The following SETMAR variants were observed in gnomAD, a reference collection of about 807,000 sequenced individuals.
SETMAR encodes the protein SET and mariner transposase domain methyltransferase, also known as histone-lysine N-methyltransferase SETMAR.
A neutral mutation model predicts 58.4 loss-of-function variants in SETMAR; 44 were observed. That is an observed-to-expected ratio of 0.75 (90% CI 0.59 to 0.97). SETMAR has a LOEUF of 0.97. Ranked by LOEUF, SETMAR falls within the 50% of genes least tolerant of loss-of-function variation. The pLI is 0.00. For missense variants in SETMAR, 903 were observed against 840.2 expected (o/e 1.07, Z -0.92); for synonymous variants, 332 against 307.4 (o/e 1.08, Z -0.84).
intron 2 of SETMAR, chr3:4,314,537 CAA>C (rs1026804171): frequency 6.7e-6 from 1 of 149,134 alleles, no homozygotes; most frequent in Non-Finnish European, 1.5e-5. Flanking sequence ...ATGTTGTAAC[CAA>C]AAGTCAGAAA....
At chr3:4,311,244 C>T (rs1044621156) in intron 1 of SETMAR, among the ~76,000 whole-genome samples, 2 of 152,146 alleles carry the variant, frequency 1.3e-5, no homozygotes, top group African/African-American at 4.8e-5. Flanking sequence ...AACTACATAG[C>T]TCCACCCGAG....
Position 4,316,999 on chromosome 3 carries a change from A to G in SETMAR, c.1808A>G (p.Asn603Ser). Residue 603 changes from asparagine to serine, a missense_variant, in exon 3 of 3, where the codon AAT (asparagine) becomes AGT (serine). Asn to Ser is a conservative substitution (Grantham distance 46, BLOSUM62 1). Transcript: ENST00000358065. ...GCACAACCCACACTTCAAAAGTTGAATGAATTGGGCTATGAAGTTTTGCCT... is the reference window on the plus strand; with the variant it reads ...GCACAACCCACACTTCAAAAGTTGAGTGAATTGGGCTATGAAGTTTTGCCT... ...HVAQPTLQKL[N>S]ELGYEVLPHP... 1 of 1,549,416 alleles carries G rather than the reference A, an allele frequency of 6.5e-7. No individual in the cohort carries two copies. The highest frequency in any genetic ancestry group is 8.7e-7 in the Non-Finnish European group (1 of 1,146,730).
chr3:4,312,838 G>C, intron 1 of SETMAR, 60 bp from the exon 2 acceptor site: 5 of 1,520,212 alleles, frequency 3.3e-6, no homozygotes, highest in Non-Finnish European at 4.4e-6. Flanking sequence ...GAAGCTACTT[G>C]GAATATATAG....
Position 4,313,356 on chromosome 3 carries a change from A to C in SETMAR, c.615A>C (p.Val205=), listed in dbSNP as rs1270830797. 1 of 1,613,986 alleles carries C rather than the reference A, an allele frequency of 6.2e-7. No homozygotes were observed. Among genetic ancestry groups the C allele is most frequent in the South Asian group, 1.1e-5 (1 of 91,076 alleles). ...GGGAACATGTTTATAATGGGCAGGT[A>C]ATGGAAACATTTGTTGACCCTACTT... ...AIREHVYNGQ[V]METFVDPTYI... Residue 205 remains valine, a synonymous_variant, in exon 2 of 3, where the codon GTA becomes GTC. Transcript: ENST00000358065.
At position 4,316,952 on chromosome 3, in the gene SETMAR, C is replaced by T. The variant is rs967729045; in HGVS notation, c.1761C>T (p.His587=). Residue 587 remains histidine, a synonymous_variant, in exon 3 of 3, where the codon CAC becomes CAT. Coordinates refer to ENST00000358065, the MANE Select transcript of SETMAR (RefSeq NM_006515.4). The part of the protein sequence containing the change: ...LVNRKGPILL[H]DNARPHVAQP... The stretch of plus-strand genomic sequence containing the variant: ...ACAGAAAGGGCCCAATTCTTCTCCA[C>T]GACAATGCCCGACCGCATGTTGCAC... 1.4e-5 allele frequency: 22 copies of T among 1,549,256 alleles called. No individual in the cohort carries two copies. Among genetic ancestry groups the T allele is most frequent in the Admixed American group, 5.9e-5 (3 of 50,968 alleles).
At chr3:4,312,097 G>T (rs1698428650) in intron 1 of SETMAR, among the ~76,000 whole-genome samples, 1 of 152,104 alleles carries the variant, frequency 6.6e-6, no homozygotes, top group East Asian at 1.9e-4. Flanking sequence ...TTCTTTACAA[G>T]TGTATATCTT....
rs939715434 is a variant in SETMAR, at chr3:4,316,886, G to C, written c.1695G>C (p.Glu565Asp). 2.6e-6 allele frequency: 4 copies of C among 1,549,370 alleles called. No homozygotes were observed. The highest frequency in any genetic ancestry group is 2.3e-4 in the Middle Eastern group (1 of 4,388). ...AGAAGTATGCTCAGGAAATCGATGAGATGAACCAAAAACTGCAACGCCTGC... is the reference window on the plus strand; with the variant it reads ...AGAAGTATGCTCAGGAAATCGATGACATGAACCAAAAACTGCAACGCCTGC... ...TSEKYAQEIDEMNQKLQRLQL... is the reference protein window; with the variant it reads ...TSEKYAQEIDDMNQKLQRLQL... The change falls in exon 3 of 3, where the codon GAG becomes GAC. Residue 565 changes from glutamate to aspartate, a missense_variant. Physicochemically the swap from Glu to Asp is conservative, Grantham distance 45. Transcript: ENST00000358065.
At chr3:4,307,735 C>T (rs1215257673) in intron 1 of SETMAR, among the ~76,000 whole-genome samples, 1 of 152,134 alleles carries the variant, frequency 6.6e-6, no homozygotes, top group Non-Finnish European at 1.5e-5. Context: ...TGTAACAATG[C>T]AGGAAATTTA....
At chr3:4,311,079 A>G (rs975473576) in intron 1 of SETMAR, among the ~76,000 whole-genome samples, 1 of 152,208 alleles carries the variant, frequency 6.6e-6, no homozygotes, top group Admixed American at 6.5e-5. Context: ...CAACACAAAC[A>G]AAAGCTATTT....
intron 2 of SETMAR, 84 bp downstream of exon 2, chr3:4,313,845 T>A: frequency 6.3e-7 from 1 of 1,581,962 alleles, no homozygotes; most frequent in Admixed American, 1.8e-5. Context: ...CCTAGTTACA[T>A]AAGTTTAACT....
intron 1 of SETMAR, among the ~76,000 whole-genome samples, chr3:4,306,193 G>C (rs150039935): frequency 6.6e-6 from 1 of 152,082 alleles, no homozygotes; most frequent in East Asian, 1.9e-4. Context: ...CCAATCTTGA[G>C]TCATATTTTT....
intron 1 of SETMAR, among the ~76,000 whole-genome samples, chr3:4,304,570 C>T (rs1198122753): frequency 6.6e-6 from 1 of 152,190 alleles, no homozygotes; most frequent in East Asian, 1.9e-4. Flanking sequence ...GCTTAGACAT[C>T]TTAGCTACTT....
chr3:4,303,641 CGCACCCGTTGGTGCGCGGGAATA>C, intron 1 of SETMAR, 115 bp downstream of exon 1: 6 of 1,425,240 alleles, frequency 4.2e-6, no homozygotes, highest in Non-Finnish European at 5.5e-6. Context: ...TCTCTTACAG[CGCACCCGTTGGTGCGCGGGAATA>C]GGTGTGCATG....
Position 4,313,434 on chromosome 3 carries a change from G to A in SETMAR, c.693G>A (p.Leu231=). 1.2e-6 allele frequency: 2 copies of A among 1,613,986 alleles called. No individual in the cohort carries two copies. Among genetic ancestry groups the A allele is most frequent in the Non-Finnish European group, 1.7e-6 (2 of 1,179,994 alleles). The change falls in exon 2 of 3, where the codon TTG becomes TTA. Residue 231 remains leucine, a synonymous_variant. Coordinates refer to ENST00000358065, the MANE Select transcript of SETMAR (RefSeq NM_006515.4). Reference sequence around the variant, plus strand: ...ATCATTCTTGTGAGCCAAACCTTTTGATGATTCCTGTCCGAATTGACTCAA... The same window carrying A: ...ATCATTCTTGTGAGCCAAACCTTTTAATGATTCCTGTCCGAATTGACTCAA... The part of the protein sequence containing the change: ...FLNHSCEPNL[L]MIPVRIDSMV...
rs891711579 is a variant in SETMAR at position 4,316,955 on chromosome 3, C to T, written c.1764C>T (p.Asp588=). Residue 588 remains aspartate, a synonymous_variant, in exon 3 of 3, where the codon GAC becomes GAT. Transcript: ENST00000358065. ...GAAAGGGCCCAATTCTTCTCCACGACAATGCCCGACCGCATGTTGCACAAC... is the reference window on the plus strand; with the variant it reads ...GAAAGGGCCCAATTCTTCTCCACGATAATGCCCGACCGCATGTTGCACAAC... ...VNRKGPILLH[D]NARPHVAQPT... is the part of the protein sequence containing the mutation. 19 of 1,549,306 alleles carry T rather than the reference C, an allele frequency of 1.2e-5. No homozygotes were observed. The highest frequency in any genetic ancestry group is 1.4e-5 in the African/African-American group (1 of 72,962).
Position 4,316,502 on chromosome 3 carries a change from T to C in SETMAR, c.1311T>C (p.Asn437=). Residue 437 remains asparagine, a synonymous_variant, in exon 3 of 3, where the codon AAT becomes AAC. Coordinates refer to ENST00000358065, the MANE Select transcript of SETMAR (RefSeq NM_006515.4). ...TTTREVAEEL[N]VNHSTVVRHL... is the part of the protein sequence containing the mutation. ...CACGAGAAGTTGCTGAAGAACTCAA[T>C]GTCAACCATTCTACGGTCGTTCGAC... 2 of 1,598,110 alleles carry C rather than the reference T, an allele frequency of 1.3e-6. No individual in the cohort carries two copies. The highest frequency in any genetic ancestry group is 8.5e-7 in the Non-Finnish European group (1 of 1,171,828).
In SETMAR at chr3:4,316,464, C is replaced by T; in HGVS notation, c.1273C>T (p.Pro425Ser). Residue 425 changes from proline (P) to serine (S), a missense_variant, in exon 3 of 3, where the codon CCC becomes TCC. By Grantham distance (74) the Pro-to-Ser change is moderately conservative (BLOSUM62 -1). Coordinates refer to ENST00000358065, the MANE Select transcript of SETMAR (RefSeq NM_006515.4). Reference sequence around the variant, plus strand: ...GTTGAGAGCAATCATCGAAGCTGATCCCCTTACAACTACACGAGAAGTTGC... The same window carrying T: ...GTTGAGAGCAATCATCGAAGCTGATTCCCTTACAACTACACGAGAAGTTGC... ...DQLRAIIEAD[P>S]LTTTREVAEE... 6.2e-7 allele frequency: 1 copy of T among 1,604,490 alleles called. No individual in the cohort carries two copies. Among genetic ancestry groups the T allele is most frequent in the Non-Finnish European group, 8.5e-7 (1 of 1,175,620 alleles).
Position 4,313,480 on chromosome 3 carries a change from T to C in SETMAR, c.739T>C (p.Phe247Leu). Reference sequence around the variant, plus strand: ...CTCAATGGTACCTAAGTTGGCACTTTTTGCAGCCAAAGATATTGTGCCAGA... The same window carrying C: ...CTCAATGGTACCTAAGTTGGCACTTCTTGCAGCCAAAGATATTGTGCCAGA... ...IDSMVPKLAL[F>L]AAKDIVPEEE... Residue 247 changes from phenylalanine to leucine, a missense_variant, in exon 2 of 3, where the codon TTT becomes CTT. Phe to Leu is a conservative substitution (Grantham distance 22, BLOSUM62 0). Coordinates refer to ENST00000358065, the MANE Select transcript of SETMAR (RefSeq NM_006515.4). The C allele has an allele frequency of 1.2e-6, 2 of 1,613,982 alleles. No homozygotes were observed. Among genetic ancestry groups the C allele is most frequent in the Middle Eastern group, 1.7e-4 (1 of 6,056 alleles).
Position 4,313,234 on chromosome 3 carries a change from G to A in SETMAR, c.493G>A (p.Val165Ile). The A allele has an allele frequency of 1.2e-6, 2 of 1,613,948 alleles. No homozygotes were observed. Among genetic ancestry groups the A allele is most frequent in the Non-Finnish European group, 8.5e-7 (1 of 1,179,988 alleles). Residue 165 changes from valine (V) to isoleucine (I), a missense_variant, in exon 2 of 3, where the codon GTC becomes ATC. Val to Ile is a conservative substitution (Grantham distance 29). Transcript: ENST00000358065. ...GGAATTTATACCGAAAGGAAGGTTT[G>A]TCTGTGAATATGCTGGTGAGGTTTT... is the stretch of plus-strand genomic sequence containing the variant. ...TLEFIPKGRF[V>I]CEYAGEVLGF...
Sources: allele counts gnomAD v4.1 joint callset (sites outside exome capture counted in the v4.1 genomes callset), GRCh38; gene constraint gnomAD v4.1.1; transcripts MANE v1.5; gene names NCBI Gene and HGNC (gene_info 2026-07-23, HGNC 2026-07-21).